DACH2: variants seen among roughly 807,000 people sequenced by gnomAD.
DACH2 encodes the protein dachshund family transcription factor 2.
In DACH2, 17 loss-of-function variants were observed where a neutral mutation model predicts 35.8. The ratio of observed to expected loss-of-function variants is 0.48; its 90% confidence interval spans 0.33 to 0.71. DACH2 has a LOEUF of 0.71. Among genes scored for constraint, DACH2 ranks in the 30% least tolerant of loss-of-function variants. The pLI is 0.02. For missense variants in DACH2, 469 were observed against 472.7 expected (o/e 0.99, Z 0.07); for synonymous variants, 195 against 177.3 (o/e 1.10, Z -0.79).
chrX:86,547,249 T>C (rs1187584377), intron 3 of DACH2, among the ~76,000 whole-genome samples: 1 of 111,725 alleles, frequency 9.0e-6, no homozygotes, highest in East Asian at 2.8e-4. Context: ...CTTTATTGAA[T>C]ACCTCCAATG....
chrX:86,386,698 C>A (rs945316559), intron 2 of DACH2, among the ~76,000 whole-genome samples: 1 of 111,348 alleles, frequency 9.0e-6, no homozygotes, highest in African/African-American at 3.3e-5. Flanking sequence ...TAGGCTCCTG[C>A]GTACCTTTGA....
At chrX:86,827,518 T>C (rs5923652) in intron 11 of DACH2, among the ~76,000 whole-genome samples, 30,844 of 110,620 alleles carry the variant, frequency 0.28, 4,231 homozygotes, top group Non-Finnish European at 0.42. Flanking sequence ...AAATCTACGC[T>C]TTTGCTCACT....
At chrX:86,626,771 T>C (rs1021474970) in intron 3 of DACH2, among the ~76,000 whole-genome samples, 3 of 112,712 alleles carry the variant, frequency 2.7e-5, no homozygotes, top group Admixed American at 9.3e-5. Flanking sequence ...TGGTCACTTT[T>C]AGTCATAGCT....
At chrX:86,535,064 A>G (rs2038777925) in intron 3 of DACH2, among the ~76,000 whole-genome samples, 1 of 111,775 alleles carries the variant, frequency 8.9e-6, no homozygotes, top group Non-Finnish European at 1.9e-5. Context: ...CAGCCAATAT[A>G]TTGATGTTTC....
At chrX:86,364,494 C>T (rs749982995) in intron 1 of DACH2, among the ~76,000 whole-genome samples, 1 of 111,064 alleles carries the variant, frequency 9.0e-6, no homozygotes, top group East Asian at 2.9e-4. Context: ...TCCTTGATTG[C>T]GGTGTGAAGA....
intron 6 of DACH2, among the ~76,000 whole-genome samples, chrX:86,737,841 T>C (rs768958867): frequency 9.8e-5 from 11 of 111,976 alleles, no homozygotes; most frequent in Non-Finnish European, 2.1e-4. Flanking sequence ...AGGTTTAGGA[T>C]ACTAATGATC....
intron 1 of DACH2, among the ~76,000 whole-genome samples, chrX:86,346,454 G>A (rs1436901766): frequency 1.8e-5 from 2 of 110,280 alleles, no homozygotes; most frequent in Non-Finnish European, 3.8e-5. Context: ...AGTTAGAGCT[G>A]AGAGTATCAT....
chrX:86,698,514 G>GGTTTTTTT (rs2041093654), intron 5 of DACH2, among the ~76,000 whole-genome samples: 1 of 34,343 alleles, frequency 2.9e-5, no homozygotes, highest in Non-Finnish European at 4.9e-5. Context: ...TGTTTTGTTA[G>GGTTTTTTT]TTTTGTGTTT....
rs777203325 is a variant in DACH2, at chrX:86,472,478, C to A, written c.528-41801C>A. 6.3e-5 allele frequency among the ~76,000 whole-genome samples: 7 copies of A among 111,749 alleles called. No individual in the cohort carries two copies. The South Asian group carries it at 2.6e-3, about 42-fold the overall frequency. Reference sequence around the variant, plus strand: ...GACTTCTGACCCCAGAACTATAAGACAATAAATTTGTGTTGTTGTAGTCTA... The same window carrying A: ...GACTTCTGACCCCAGAACTATAAGAAAATAAATTTGTGTTGTTGTAGTCTA... On this transcript the variant is annotated intron_variant, in intron 2 of 11. Transcript: ENST00000373125.
chrX:86,670,564 A>T (rs2040752984), intron 4 of DACH2, among the ~76,000 whole-genome samples: 1 of 111,588 alleles, frequency 9.0e-6, no homozygotes, highest in Non-Finnish European at 1.9e-5. Context: ...GCTGTTCCCA[A>T]CCTAAGCTTG....
intron 3 of DACH2, among the ~76,000 whole-genome samples, chrX:86,563,812 A>G (rs991431851): frequency 9.0e-5 from 10 of 111,082 alleles, no homozygotes; most frequent in Admixed American, 4.8e-4. Flanking sequence ...AAAACACCAT[A>G]CAAACATAAT....
chrX:86,158,823 A>G (rs1232383720), intron 1 of DACH2, among the ~76,000 whole-genome samples: 2 of 111,509 alleles, frequency 1.8e-5, no homozygotes, highest in Non-Finnish European at 3.8e-5. Context: ...ATATCAGTAA[A>G]CATTAGACTT....
chrX:86,727,424 T>C (rs2041482570), intron 6 of DACH2, among the ~76,000 whole-genome samples: 1 of 112,116 alleles, frequency 8.9e-6, no homozygotes, highest in African/African-American at 3.2e-5. Context: ...TTTGATATGT[T>C]TAAATTACTC....
At chrX:86,546,615 A>G (rs1416002705) in intron 3 of DACH2, among the ~76,000 whole-genome samples, 1 of 101,609 alleles carries the variant, frequency 9.8e-6, no homozygotes, top group Non-Finnish European at 2.0e-5. Context: ...CCCGGGTCCA[A>G]GCGATTCTCC....
chrX:86,175,682 T>C (rs969540415), intron 1 of DACH2, among the ~76,000 whole-genome samples: 3 of 111,597 alleles, frequency 2.7e-5, no homozygotes, highest in Admixed American at 1.9e-4. Flanking sequence ...GGATCCGATG[T>C]ACAAGTAGAA....
At chrX:86,227,349 C>A (rs143206076) in intron 1 of DACH2, among the ~76,000 whole-genome samples, 1,396 of 111,705 alleles carry the variant, frequency 0.012, 26 homozygotes, top group African/African-American at 0.043. Flanking sequence ...TCCCTGTACC[C>A]TTTGGTATGT....
intron 3 of DACH2, among the ~76,000 whole-genome samples, chrX:86,587,818 A>G (rs899313174): frequency 4.5e-5 from 5 of 111,748 alleles, no homozygotes; most frequent in African/African-American, 1.6e-4. Flanking sequence ...TATTCTGTGC[A>G]TTGGCTGTTT....
intron 5 of DACH2, among the ~76,000 whole-genome samples, chrX:86,699,699 A>T (rs1219082172): frequency 8.9e-6 from 1 of 111,781 alleles, no homozygotes; most frequent in Admixed American, 9.5e-5. Flanking sequence ...AATTTATTTT[A>T]TTTCAGTTCA....
chrX:86,627,478 A>G (rs1443707167), intron 3 of DACH2, among the ~76,000 whole-genome samples: 1 of 111,573 alleles, frequency 9.0e-6, no homozygotes, highest in Non-Finnish European at 1.9e-5. Flanking sequence ...ATAGTTTTTG[A>G]TATTTGTATC....
Sources: allele counts gnomAD v4.1 joint callset (sites outside exome capture counted in the v4.1 genomes callset), GRCh38; gene constraint gnomAD v4.1.1; transcripts MANE v1.5; gene names NCBI Gene and HGNC (gene_info 2026-07-23, HGNC 2026-07-21).